Variants in SMAP1 observed in about 807,000 individuals in gnomAD.
SMAP1 encodes the protein stromal membrane-associated protein 1.
A neutral mutation model predicts 58.5 loss-of-function variants in SMAP1; 24 were observed. That is an observed-to-expected ratio of 0.41 (90% CI 0.30 to 0.58). The LOEUF is 0.58. Ranked by LOEUF, SMAP1 falls within the 20% of genes least tolerant of loss-of-function variation. The pLI is 0.29. For synonymous variants in SMAP1, 216 were observed against 196.6 expected (o/e 1.10, Z -0.82); for missense variants, 563 against 566.3 (o/e 0.99, Z 0.06).
Position 70,725,351 on chromosome 6 carries a change from C to T in SMAP1, c.119-7027C>T, listed in dbSNP as rs759890266. On this transcript the variant is annotated intron_variant, in intron 1 of 10. Coordinates refer to ENST00000370455, the MANE Select transcript of SMAP1 (RefSeq NM_001044305.3). ...CAGGATGGTCTTGATCTCCTGACCTCGTGATCTACCCGCCTCGGCCTCCCT... is the reference window on the plus strand; with the variant it reads ...CAGGATGGTCTTGATCTCCTGACCTTGTGATCTACCCGCCTCGGCCTCCCT... Among the ~76,000 whole-genome samples the T allele has an allele frequency of 2.2e-4, 34 of 151,828 alleles. 1 individual carries two copies. Among genetic ancestry groups the T allele is most frequent in the African/African-American group, 4.8e-5 (2 of 41,356 alleles).
At chr6:70,777,337 C>T (rs1336834882) in intron 4 of SMAP1, among the ~76,000 whole-genome samples, 1 of 152,168 alleles carries the variant, frequency 6.6e-6, no homozygotes, top group Non-Finnish European at 1.5e-5. Flanking sequence ...CCTATTCGGC[C>T]ATCTTGGCTC....
intron 1 of SMAP1, among the ~76,000 whole-genome samples, chr6:70,719,747 A>C (rs961217000): frequency 6.6e-6 from 1 of 152,170 alleles, no homozygotes; most frequent in Non-Finnish European, 1.5e-5. Context: ...GGAAGAAGCA[A>C]AAGTGGAAAC....
chr6:70,821,971 C>T (rs1769911121), intron 6 of SMAP1, among the ~76,000 whole-genome samples: 1 of 152,020 alleles, frequency 6.6e-6, no homozygotes, highest in African/African-American at 2.4e-5. Context: ...GCAAGTGAGG[C>T]AATAAAAAGG....
intron 1 of SMAP1, among the ~76,000 whole-genome samples, chr6:70,700,300 A>G (rs1484933096): frequency 1.3e-5 from 2 of 152,160 alleles, no homozygotes; most frequent in South Asian, 2.1e-4. Context: ...CAGTGAACCA[A>G]TTAAACCTCT....
At position 70,744,415 on chromosome 6, in the gene SMAP1, C is replaced by T. The variant is rs531254321; in HGVS notation, c.253-10565C>T. On this transcript the variant is annotated intron_variant, in intron 2 of 10. Coordinates refer to ENST00000370455, the MANE Select transcript of SMAP1 (RefSeq NM_001044305.3). ...TTCAATTCCCACCTATGAGTGAGAA[C>T]ATATGGTGTTTGGTTTTGTATCCTT... is the stretch of plus-strand genomic sequence containing the variant. Among the ~76,000 whole-genome samples the T allele has an allele frequency of 2.6e-5, 4 of 151,982 alleles. No homozygotes were observed. The East Asian group carries it at 7.8e-4, about 29-fold the overall frequency.
intron 2 of SMAP1, among the ~76,000 whole-genome samples, chr6:70,747,790 T>G (rs1442433937): frequency 6.6e-6 from 1 of 152,126 alleles, no homozygotes; most frequent in Non-Finnish European, 1.5e-5. Flanking sequence ...AATGTTTAAT[T>G]GCATTGCTTA....
At chr6:70,850,454 CT>C (rs1363929737) in intron 7 of SMAP1, among the ~76,000 whole-genome samples, 6 of 151,362 alleles carry the variant, frequency 4.0e-5, no homozygotes, top group Admixed American at 3.3e-4. Context: ...GTTTTTTTTC[CT>C]TTTATTTTGG....
intron 6 of SMAP1, among the ~76,000 whole-genome samples, chr6:70,813,134 T>C (rs1458705717): frequency 1.3e-5 from 2 of 152,168 alleles, no homozygotes; most frequent in African/African-American, 2.4e-5. Flanking sequence ...TTATTTTTTC[T>C]CTCACCCCCA....
At position 70,755,577 on chromosome 6, in the gene SMAP1, G is replaced by A. The variant is rs1254850472; in HGVS notation, c.338+512G>A. Among the ~76,000 whole-genome samples the A allele has an allele frequency of 3.3e-5, 5 of 152,130 alleles. No homozygotes were observed. In the South Asian group the frequency reaches 1.0e-3, roughly 32 times the overall value. On this transcript the variant is annotated intron_variant, in intron 3 of 10. Transcript: ENST00000370455. The stretch of plus-strand genomic sequence containing the variant: ...GGCTAGGCTATGTTTGGTAGATTAG[G>A]TGTATTAAATGCATTTTTGACTTAA...
At chr6:70,738,770 G>T (rs2149870449) in intron 2 of SMAP1, among the ~76,000 whole-genome samples, 1 of 152,210 alleles carries the variant, frequency 6.6e-6, no homozygotes, top group East Asian at 1.9e-4. Context: ...ATATTTTACG[G>T]TAGCTTAAAA....
intron 1 of SMAP1, among the ~76,000 whole-genome samples, chr6:70,724,448 G>A (rs533347101): frequency 3.3e-5 from 5 of 152,182 alleles, no homozygotes; most frequent in African/African-American, 9.6e-5. Context: ...CGCCTGCCTC[G>A]GCCTCCCAGA....
intron 2 of SMAP1, among the ~76,000 whole-genome samples, chr6:70,736,469 G>T (rs1765622243): frequency 6.6e-6 from 1 of 151,910 alleles, no homozygotes; most frequent in Admixed American, 6.6e-5. Flanking sequence ...TTTTATAGCA[G>T]TATCAAACAA....
intron 5 of SMAP1, among the ~76,000 whole-genome samples, chr6:70,797,328 C>T (rs1768646421): frequency 6.6e-6 from 1 of 152,066 alleles, no homozygotes; most frequent in Non-Finnish European, 1.5e-5. Flanking sequence ...TTGAAATGCA[C>T]ATTAAATATA....
chr6:70,766,357 C>T (rs560733741), intron 3 of SMAP1, among the ~76,000 whole-genome samples: 1 of 152,312 alleles, frequency 6.6e-6, no homozygotes, highest in Non-Finnish European at 1.5e-5. Flanking sequence ...TTTACATTCC[C>T]ACCAACAGTG....
chr6:70,794,115 A>G (rs1365403005), intron 5 of SMAP1, among the ~76,000 whole-genome samples: 1 of 152,212 alleles, frequency 6.6e-6, no homozygotes, highest in Non-Finnish European at 1.5e-5. Flanking sequence ...CTGGACTTGA[A>G]TGTTTAACCA....
chr6:70,828,050 CAT>C (rs796626049), intron 6 of SMAP1, among the ~76,000 whole-genome samples: 1 of 151,994 alleles, frequency 6.6e-6, no homozygotes, highest in Non-Finnish European at 1.5e-5. Context: ...TTTTTTCTCA[CAT>C]AAAATAGTTT....
At position 70,758,290 on chromosome 6, in the gene SMAP1, T is replaced by C. The variant is rs1167384474; in HGVS notation, c.338+3225T>C. Among the ~76,000 whole-genome samples, 3 of 149,538 alleles carry C rather than the reference T, an allele frequency of 2.0e-5. No homozygotes were observed. The East Asian group carries it at 6.0e-4, about 30-fold the overall frequency. ...CAAGAACAAAAAACCAAACACTGCATATTCTCACTTATAGGTGGGAACTGA... is the reference window on the plus strand; with the variant it reads ...CAAGAACAAAAAACCAAACACTGCACATTCTCACTTATAGGTGGGAACTGA... On this transcript the variant is annotated intron_variant, in intron 3 of 10. Coordinates refer to ENST00000370455, the MANE Select transcript of SMAP1 (RefSeq NM_001044305.3).
intron 1 of SMAP1, among the ~76,000 whole-genome samples, chr6:70,722,791 G>A (rs1452604037): frequency 6.6e-6 from 1 of 152,234 alleles, no homozygotes; most frequent in Non-Finnish European, 1.5e-5. Flanking sequence ...TATTTTTTGT[G>A]GTTTAAGAAC....
chr6:70,730,811 A>ATTTTTTTTTTTTTTTTTTTTTTTTTTT (rs1562120319), intron 1 of SMAP1, among the ~76,000 whole-genome samples: 2 of 152,060 alleles, frequency 1.3e-5, no homozygotes, highest in Non-Finnish European at 2.9e-5. Context: ...TTAATTTTTA[A>ATTTTTTTTTTTTTTTTTTTTTTTTTTT]TTTTTTGATA....
Sources: allele counts gnomAD v4.1 joint callset (sites outside exome capture counted in the v4.1 genomes callset), GRCh38; gene constraint gnomAD v4.1.1; transcripts MANE v1.5; gene names NCBI Gene and HGNC (gene_info 2026-07-23, HGNC 2026-07-21).